Variants in ARHGEF28 observed in about 807,000 individuals in gnomAD.
ARHGEF28 encodes 190 kDa guanine nucleotide exchange factor.
In ARHGEF28, 152 loss-of-function variants were observed where a neutral mutation model predicts 206.6. The ratio of observed to expected loss-of-function variants is 0.74; its 90% CI spans 0.64 to 0.84. The LOEUF (loss-of-function observed/expected upper bound fraction) is 0.84. Among genes scored for constraint, ARHGEF28 ranks in the 40% least tolerant of loss-of-function variants. The pLI is 0.00. For missense variants in ARHGEF28, 2,028 were observed against 2,073.2 expected (o/e 0.98, Z 0.42); for synonymous variants, 763 against 776.4 (o/e 0.98, Z 0.29).
chr5:73,873,592 G>T (rs1025268085), intron 22 of ARHGEF28, among the ~76,000 whole-genome samples: 1 of 152,188 alleles, frequency 6.6e-6, no homozygotes, highest in African/African-American at 2.4e-5. Context: ...AGTTGCTTTA[G>T]CATGGCTTTC....
intron 9 of ARHGEF28, among the ~76,000 whole-genome samples, chr5:73,804,082 C>CAAAAAAAA (rs35722039): frequency 4.7e-4 from 30 of 64,286 alleles, no homozygotes; most frequent in African/African-American, 1.6e-3. Flanking sequence ...GAGACCCTGT[C>CAAAAAAAA]AAAAAAAAAA....
intron 35 of ARHGEF28, among the ~76,000 whole-genome samples, chr5:73,935,987 C>T (rs1366833408): frequency 6.6e-6 from 1 of 152,116 alleles, no homozygotes; most frequent in Non-Finnish European, 1.5e-5. Context: ...ATGGGGTGCA[C>T]TGGTGAGCTA....
rs1450829958 is a variant in ARHGEF28 at position 73,773,886 on chromosome 5, G to A, written c.507G>A (p.Leu169=). 6.2e-7 allele frequency: 1 copy of A among 1,608,122 alleles called. No homozygotes were observed. Among genetic ancestry groups the A allele is most frequent in the African/African-American group, 1.3e-5 (1 of 74,874 alleles). Residue 169 remains leucine (L), a synonymous_variant, in exon 5 of 36, where the codon CTG becomes CTA. Coordinates refer to ENST00000513042, the MANE Select transcript of ARHGEF28 (RefSeq NM_001177693.2). The part of the protein sequence containing the change: ...VSSHRESLLH[L]AMRWGLAKLS... ...CTCACAGAGAATCTCTTCTACACCT[G>A]GCTATGAGATGGGGCCTGGCTAAAC...
At chr5:73,783,345 A>AGTGTGTGTGTGTGTGTGTGTGTGTGTGT (rs57320048) in intron 7 of ARHGEF28, among the ~76,000 whole-genome samples, 2 of 145,812 alleles carry the variant, frequency 1.4e-5, no homozygotes, top group Non-Finnish European at 3.0e-5. Flanking sequence ...CCTGGAATAT[A>AGTGTGTGTGTGTGTGTGTGTGTGTGTGT]GTGTGTGTGT....
chr5:73,671,970 T>C (rs1746375593), intron 1 of ARHGEF28, among the ~76,000 whole-genome samples: 1 of 151,624 alleles, frequency 6.6e-6, no homozygotes, highest in Non-Finnish European at 1.5e-5. Flanking sequence ...TTGGTCAGGC[T>C]GGTCTTGAAC....
intron 2 of ARHGEF28, among the ~76,000 whole-genome samples, chr5:73,690,883 A>T (rs1747779341): frequency 6.6e-6 from 1 of 152,180 alleles, no homozygotes; most frequent in Non-Finnish European, 1.5e-5. Flanking sequence ...ATTATAAAGA[A>T]TATAATAGTA....
chr5:73,748,426 C>T (rs1381252752), intron 2 of ARHGEF28, among the ~76,000 whole-genome samples: 2 of 152,066 alleles, frequency 1.3e-5, no homozygotes, highest in Non-Finnish European at 2.9e-5. Context: ...TTTTAAACCA[C>T]TAGAAAAGCA....
intron 35 of ARHGEF28, among the ~76,000 whole-genome samples, chr5:73,914,961 GA>G (rs775374211): frequency 6.6e-6 from 1 of 152,096 alleles, no homozygotes; most frequent in Non-Finnish European, 1.5e-5. Context: ...GGCGGGTCTT[GA>G]ACTCCTGGAC....
rs2112337910 is a variant in ARHGEF28 at position 73,724,980 on chromosome 5, A to G, written c.34-24857A>G. ...AGGGAGATTGTTAAATGTATTTCAG[A>G]TTTTATTTTTCTTCTAATTATAAAA... On this transcript the variant is annotated intron_variant, in intron 2 of 35. Transcript: ENST00000513042. Among the ~76,000 whole-genome samples the G allele has an allele frequency of 1.3e-5, 2 of 152,278 alleles. 1 individual carries two copies. Among genetic ancestry groups the G allele is most frequent in the African/African-American group, 4.8e-5 (2 of 41,560 alleles).
intron 2 of ARHGEF28, among the ~76,000 whole-genome samples, chr5:73,747,452 T>C (rs905393846): frequency 7.2e-5 from 11 of 152,340 alleles, no homozygotes; most frequent in African/African-American, 2.4e-4. Flanking sequence ...CCGTTCTTCC[T>C]GCTGATCTCC....
chr5:73,708,688 TTTGGTAGACCAATTAA>T (rs1265170985), intron 2 of ARHGEF28, among the ~76,000 whole-genome samples: 14 of 152,236 alleles, frequency 9.2e-5, no homozygotes, highest in Non-Finnish European at 1.8e-4. Flanking sequence ...TGTATATCTT[TTTGGTAGACCAATTAA>T]TTTCCCTTTG....
chr5:73,837,209 A>G (rs77870442), intron 10 of ARHGEF28, among the ~76,000 whole-genome samples: 5,254 of 152,126 alleles, frequency 0.035, 312 homozygotes, highest in African/African-American at 0.12. Flanking sequence ...AATTGCCATT[A>G]TAATTTTGAT....
At chr5:73,693,922 A>G (rs575674143) in intron 2 of ARHGEF28, among the ~76,000 whole-genome samples, 84 of 152,140 alleles carry the variant, frequency 5.5e-4, no homozygotes, top group Middle Eastern at 3.4e-3. Context: ...AGTTCTAGCC[A>G]TAGAGCAAAG....
chr5:73,843,902 G>T (rs1758139645), intron 11 of ARHGEF28, among the ~76,000 whole-genome samples: 8 of 152,090 alleles, frequency 5.3e-5, no homozygotes, highest in Admixed American at 5.2e-4. Context: ...GTCACACCAT[G>T]AACGTCCCCT....
chr5:73,819,465 GC>G (rs1580662831), intron 9 of ARHGEF28, among the ~76,000 whole-genome samples: 1 of 152,220 alleles, frequency 6.6e-6, no homozygotes. Context: ...TTTAAGCATA[GC>G]CAATCGGAAT....
intron 30 of ARHGEF28, chr5:73,900,875 A>T: frequency 4.5e-6 from 1 of 221,820 alleles, no homozygotes; most frequent in Non-Finnish European, 9.1e-6. Context: ...TGAGAGTGAG[A>T]TGTAGATTCT....
At chr5:73,680,871 T>C (rs1747045600) in intron 1 of ARHGEF28, among the ~76,000 whole-genome samples, 1 of 151,978 alleles carries the variant, frequency 6.6e-6, no homozygotes, top group Admixed American at 6.6e-5. Flanking sequence ...ATTCCTTTTA[T>C]CTTTTTTTTT....
intron 2 of ARHGEF28, among the ~76,000 whole-genome samples, chr5:73,737,427 C>A (rs146260387): frequency 6.7e-6 from 1 of 149,980 alleles, no homozygotes; most frequent in Non-Finnish European, 1.5e-5. Flanking sequence ...CTCTCCCCAC[C>A]GAGCCCTCTT....
At chr5:73,807,036 G>GTTTT (rs35751176) in intron 9 of ARHGEF28, among the ~76,000 whole-genome samples, 1 of 132,068 alleles carries the variant, frequency 7.6e-6, no homozygotes, top group African/African-American at 2.7e-5. Flanking sequence ...CATGTAAGAG[G>GTTTT]TTTTTTTTTT....
Sources: allele counts gnomAD v4.1 joint callset (sites outside exome capture counted in the v4.1 genomes callset), GRCh38; gene constraint gnomAD v4.1.1; transcripts MANE v1.5; gene names NCBI Gene and HGNC (gene_info 2026-07-23, HGNC 2026-07-21).